ALK: variants seen among roughly 807,000 people sequenced by gnomAD.
ALK encodes the protein ALK receptor tyrosine kinase.
In ALK, 74 loss-of-function variants were observed where a neutral mutation model predicts 163.1. The observed-to-expected ratio is 0.45, with a 90% CI of 0.38 to 0.55. The LOEUF is 0.55. Ranked by LOEUF, ALK falls within the 20% of genes least tolerant of loss-of-function variation. ALK has a pLI of 0.00. For missense variants in ALK, 2,063 were observed against 2,105.3 expected (o/e 0.98, Z 0.39); for synonymous variants, 960 against 843.2 (o/e 1.14, Z -2.40).
At chr2:29,644,696 T>C (rs1306281900) in intron 3 of ALK, among the ~76,000 whole-genome samples, 1 of 148,758 alleles carries the variant, frequency 6.7e-6, no homozygotes, top group Admixed American at 6.7e-5. Flanking sequence ...TATGCTCAGT[T>C]TGTCTCCGAC....
At chr2:29,546,549 A>T (rs964283389) in intron 3 of ALK, among the ~76,000 whole-genome samples, 2 of 152,156 alleles carry the variant, frequency 1.3e-5, no homozygotes, top group Non-Finnish European at 2.9e-5. Context: ...GAAGGGAGGG[A>T]GCTGGGCGAC....
chr2:29,333,404 C>A (rs1413875606), intron 5 of ALK, among the ~76,000 whole-genome samples: 2 of 152,196 alleles, frequency 1.3e-5, no homozygotes, highest in African/African-American at 2.4e-5. Flanking sequence ...TCGTGCCCAG[C>A]CTCGAGGTTG....
At chr2:29,883,496 G>A (rs56776400) in intron 1 of ALK, among the ~76,000 whole-genome samples, 9,628 of 152,252 alleles carry the variant, frequency 0.063, 442 homozygotes, top group East Asian at 0.14. Flanking sequence ...TTCTGAGGAT[G>A]GGTGCTGTGA....
At chr2:29,562,538 A>T (rs1179131878) in intron 3 of ALK, among the ~76,000 whole-genome samples, 2 of 152,326 alleles carry the variant, frequency 1.3e-5, no homozygotes, top group Admixed American at 6.5e-5. Context: ...CAGGACAATT[A>T]CATTCCTTGA....
chr2:29,894,572 A>G (rs1291496835), intron 1 of ALK, among the ~76,000 whole-genome samples: 1 of 152,064 alleles, frequency 6.6e-6, no homozygotes, highest in African/African-American at 2.4e-5. Context: ...TAACTTATCT[A>G]AGATAACTTA....
At chr2:29,580,700 C>G (rs531991639) in intron 3 of ALK, among the ~76,000 whole-genome samples, 7 of 152,312 alleles carry the variant, frequency 4.6e-5, no homozygotes, top group South Asian at 2.1e-4. Context: ...AGATGTGGAG[C>G]GGAAAATTGC....
intron 1 of ALK, among the ~76,000 whole-genome samples, chr2:29,871,456 G>C (rs112403217): frequency 5.9e-5 from 9 of 152,290 alleles, no homozygotes; most frequent in African/African-American, 1.2e-4. Flanking sequence ...GGAGTCCAAG[G>C]CTGGTCCTTC....
intron 1 of ALK, among the ~76,000 whole-genome samples, chr2:29,916,621 A>G (rs1365832122): frequency 6.6e-6 from 1 of 152,220 alleles, no homozygotes; most frequent in Non-Finnish European, 1.5e-5. Flanking sequence ...ATTGCATTGC[A>G]TACATCTCTA....
intron 5 of ALK, among the ~76,000 whole-genome samples, chr2:29,341,133 A>G (rs1044042176): frequency 6.6e-6 from 1 of 152,258 alleles, no homozygotes. Context: ...TGCTTTGTTC[A>G]TAATATAAAA....
At chr2:29,257,680 C>T (rs957831102) in intron 11 of ALK, among the ~76,000 whole-genome samples, 4 of 152,046 alleles carry the variant, frequency 2.6e-5, no homozygotes. Context: ...TCATGTGGAT[C>T]ATTTGTACAA....
At chr2:29,452,342 T>TG (rs1553317210) in intron 4 of ALK, among the ~76,000 whole-genome samples, 5 of 92,786 alleles carry the variant, frequency 5.4e-5, no homozygotes, top group Non-Finnish European at 1.1e-4. Flanking sequence ...GTTTTTTTTT[T>TG]TTTTTTTTTC....
intron 3 of ALK, among the ~76,000 whole-genome samples, chr2:29,607,359 A>G (rs1675568364): frequency 6.6e-6 from 1 of 152,184 alleles, no homozygotes; most frequent in African/African-American, 2.4e-5. Flanking sequence ...GAAATAGAGC[A>G]TCTTTTACTT....
chr2:29,517,420 G>A (rs1462930332), intron 4 of ALK, among the ~76,000 whole-genome samples: 2 of 152,050 alleles, frequency 1.3e-5, no homozygotes, highest in African/African-American at 4.8e-5. Context: ...CTTTTACTGG[G>A]GCACTGTGCT....
chr2:29,832,331 G>A (rs1009129523), intron 1 of ALK, among the ~76,000 whole-genome samples: 8 of 152,180 alleles, frequency 5.3e-5, no homozygotes, highest in African/African-American at 1.9e-4. Context: ...GAGGTCTCAT[G>A]AGCAGAGAAG....
intron 3 of ALK, among the ~76,000 whole-genome samples, chr2:29,637,870 CTG>C (rs1382563996): frequency 6.6e-6 from 1 of 151,902 alleles, no homozygotes; most frequent in Non-Finnish European, 1.5e-5. Context: ...TATTTTATAA[CTG>C]TATATGAATC....
At chr2:29,824,164 G>T (rs1329282965) in intron 1 of ALK, among the ~76,000 whole-genome samples, 2 of 152,228 alleles carry the variant, frequency 1.3e-5, no homozygotes, top group Non-Finnish European at 2.9e-5. Flanking sequence ...GAGCCTGCAG[G>T]TACACAGAAG....
chr2:29,920,341 C>G lies in ALK; in HGVS notation c.319G>C (p.Gly107Arg). ...GGTGAACCGGCGGTCCAGGAGACCC[C>G]CGGCGCCGGCCCCAGCAACCTGAGC... Reference protein sequence around the residue: ...PLLRLLGPAPGVSWTAGSPAP... With the variant: ...PLLRLLGPAPRVSWTAGSPAP... Residue 107 changes from glycine to arginine, a missense_variant, in exon 1 of 29, where the codon GGG (glycine) becomes CGG (arginine). Around this residue, in one of 5 missense-constraint regions of ALK, gnomAD observed 987 missense variants for 939.5 expected, o/e 1.05. Transcript: ENST00000389048. 1 of 1,551,182 alleles carries G rather than the reference C, an allele frequency of 6.4e-7. No individual in the cohort carries two copies. The highest frequency in any genetic ancestry group is 8.7e-7 in the Non-Finnish European group (1 of 1,148,678).
At chr2:29,432,773 C>T (rs578176617) in intron 4 of ALK, among the ~76,000 whole-genome samples, 42 of 149,862 alleles carry the variant, frequency 2.8e-4, no homozygotes, top group African/African-American at 9.3e-4. Flanking sequence ...GGATCCATTG[C>T]GCATCAATTG....
intron 4 of ALK, among the ~76,000 whole-genome samples, chr2:29,502,184 T>C (rs1266488502): frequency 6.6e-6 from 1 of 152,156 alleles, no homozygotes; most frequent in Non-Finnish European, 1.5e-5. Context: ...GCGAAGCATA[T>C]AGTCCATGCA....
Sources: gnomAD v4.1 joint callset for allele counts (sites outside exome capture counted in the v4.1 genomes callset) on GRCh38, gnomAD v4.1.1 for gene constraint, gnomAD v4.1.1 regional missense constraint, MANE v1.5 for transcripts, NCBI Gene and HGNC (gene_info 2026-07-23, HGNC 2026-07-21) for gene names.